The following C13orf42 variants were observed in gnomAD, a reference collection of about 807,000 sequenced individuals.
The protein encoded by C13orf42 is chromosome 13 open reading frame 42.
intron 1 of C13orf42, among the ~76,000 whole-genome samples, chr13:51,091,332 C>CT (rs1271406076): frequency 2.0e-5 from 3 of 152,224 alleles, no homozygotes; most frequent in African/African-American, 7.2e-5. Context: ...GTAACTAACT[C>CT]TCATCACAAA....
chr13:51,126,626 C>G (rs1046069292), intron 1 of C13orf42, among the ~76,000 whole-genome samples: 4 of 152,136 alleles, frequency 2.6e-5, no homozygotes, highest in African/African-American at 9.7e-5. Context: ...AAAAGGAAGC[C>G]CCTCACCAGG....
rs765132472 is a variant in C13orf42 at position 51,130,708 on chromosome 13, T to C, written n.137-17486A>G. Among the ~76,000 whole-genome samples the C allele has an allele frequency of 3.9e-5, 6 of 152,294 alleles. 1 individual carries two copies. The highest frequency in any genetic ancestry group is 7.4e-5 in the Non-Finnish European group (5 of 68,022). On this transcript the variant is annotated intron_variant and non_coding_transcript_variant, in intron 1 of 4. Transcript: ENST00000433280. Reference sequence around the variant, plus strand: ...TCTGACTGGGTCCTAGGCTCCACACTAGTACATAATTAAACCCCTGAACTT... The same window carrying C: ...TCTGACTGGGTCCTAGGCTCCACACCAGTACATAATTAAACCCCTGAACTT...
intron 1 of C13orf42, among the ~76,000 whole-genome samples, chr13:51,098,455 G>T (rs1953257544): frequency 6.6e-6 from 1 of 152,006 alleles, no homozygotes; most frequent in African/African-American, 2.4e-5. Context: ...TTCACCAATT[G>T]CCGCAGACAG....
At chr13:51,150,360 A>G (rs1953769251) in intron 1 of C13orf42, among the ~76,000 whole-genome samples, 1 of 152,196 alleles carries the variant, frequency 6.6e-6, no homozygotes, top group African/African-American at 2.4e-5. Context: ...TGGGGGAATC[A>G]ATACTGGGCT....
At chr13:51,137,536 C>G (rs929908649) in intron 1 of C13orf42, among the ~76,000 whole-genome samples, 1 of 152,222 alleles carries the variant, frequency 6.6e-6, no homozygotes, top group Non-Finnish European at 1.5e-5. Flanking sequence ...CCCAGCACCA[C>G]TCCCTGCCTC....
chr13:51,128,506 T>C (rs1273789641), intron 1 of C13orf42, among the ~76,000 whole-genome samples: 3 of 152,088 alleles, frequency 2.0e-5, no homozygotes, highest in African/African-American at 7.2e-5. Flanking sequence ...TTAGGGGAGT[T>C]AAAGTCTCTC....
chr13:51,101,491 C>A (rs557845851), intron 1 of C13orf42, among the ~76,000 whole-genome samples: 2 of 151,878 alleles, frequency 1.3e-5, no homozygotes, highest in African/African-American at 4.8e-5. Context: ...CATGAATATA[C>A]GCAAACCATA....
chr13:51,093,331 G>C (rs56918837), intron 1 of C13orf42, among the ~76,000 whole-genome samples: 1 of 152,158 alleles, frequency 6.6e-6, no homozygotes, highest in East Asian at 1.9e-4. Context: ...CTGGTCCTCA[G>C]ATCTGGAGCA....
chr13:51,132,447 A>AT (rs1953624994), intron 1 of C13orf42, among the ~76,000 whole-genome samples: 6 of 152,018 alleles, frequency 3.9e-5, no homozygotes, highest in Admixed American at 3.3e-4. Flanking sequence ...AAAAAAAAAA[A>AT]GCAGGATAAG....
At chr13:51,120,376 G>A (rs1019465179) in intron 1 of C13orf42, among the ~76,000 whole-genome samples, 3 of 152,154 alleles carry the variant, frequency 2.0e-5, no homozygotes, top group African/African-American at 4.8e-5. Context: ...CACTGGAAGC[G>A]GGTATCCTTG....
At chr13:51,133,242 A>G (rs1953632721) in intron 1 of C13orf42, among the ~76,000 whole-genome samples, 1 of 152,150 alleles carries the variant, frequency 6.6e-6, no homozygotes, top group African/African-American at 2.4e-5. Context: ...CTGGATTGGT[A>G]CCCCTTTCCA....
At chr13:51,091,985 T>C (rs976080298) in intron 1 of C13orf42, among the ~76,000 whole-genome samples, 22 of 152,128 alleles carry the variant, frequency 1.4e-4, no homozygotes, top group African/African-American at 5.1e-4. Context: ...GTAACGAGAC[T>C]CCATCCATCC....
chr13:51,132,021 C>T (rs1377923638), intron 1 of C13orf42, among the ~76,000 whole-genome samples: 1 of 152,204 alleles, frequency 6.6e-6, no homozygotes, highest in East Asian at 1.9e-4. Flanking sequence ...CATCTAGCAA[C>T]CCCATATCAG....
At chr13:51,155,505 G>A (rs1176591825) in intron 1 of C13orf42, among the ~76,000 whole-genome samples, 4 of 152,192 alleles carry the variant, frequency 2.6e-5, no homozygotes, top group African/African-American at 9.6e-5. Context: ...ACCCACTACA[G>A]CCAGTTTAAG....
chr13:51,151,305 T>C (rs1953775962), intron 1 of C13orf42, among the ~76,000 whole-genome samples: 2 of 151,840 alleles, frequency 1.3e-5, no homozygotes, highest in Admixed American at 1.3e-4. Flanking sequence ...CAGCACACCA[T>C]TGCTGACTTT....
At chr13:51,134,125 C>A (rs1429865396) in intron 1 of C13orf42, among the ~76,000 whole-genome samples, 5 of 152,114 alleles carry the variant, frequency 3.3e-5, no homozygotes, top group African/African-American at 1.2e-4. Flanking sequence ...AATCTAAGTC[C>A]ATTTACCTGC....
At chr13:51,117,829 G>A (rs1431718072) in intron 1 of C13orf42, among the ~76,000 whole-genome samples, 1 of 152,076 alleles carries the variant, frequency 6.6e-6, no homozygotes, top group Non-Finnish European at 1.5e-5. Flanking sequence ...AGCTAATCCA[G>A]GGGAGATGTC....
intron 1 of C13orf42, among the ~76,000 whole-genome samples, chr13:51,133,293 G>T (rs1953633070): frequency 6.6e-6 from 1 of 152,192 alleles, no homozygotes; most frequent in Non-Finnish European, 1.5e-5. Context: ...AAGGGAAATA[G>T]AATGTGGTTA....
intron 1 of C13orf42, among the ~76,000 whole-genome samples, chr13:51,090,032 G>A (rs1297149147): frequency 6.6e-6 from 1 of 151,976 alleles, no homozygotes; most frequent in Non-Finnish European, 1.5e-5. Context: ...GGTGACACCA[G>A]GCACAATAAG....
Sources: gnomAD v4.1 joint callset for allele counts (sites outside exome capture counted in the v4.1 genomes callset) on GRCh38, gnomAD v4.1.1 for gene constraint, MANE v1.5 for transcripts, NCBI Gene and HGNC (gene_info 2026-07-23, HGNC 2026-07-21) for gene names.